Variants in GPATCH2 observed in about 807,000 individuals in gnomAD.
GPATCH2 encodes the protein G patch domain-containing protein 2.
GPATCH2 carries 51 observed loss-of-function variants against 58.0 expected under a neutral mutation model. The ratio of observed to expected loss-of-function variants is 0.88; its 90% CI spans 0.70 to 1.11. The LOEUF is 1.11. Ranked by LOEUF, GPATCH2 falls within the 50% of genes most tolerant of loss-of-function variation. The pLI is 0.00. For synonymous variants in GPATCH2, 222 were observed against 218.5 expected (o/e 1.02, Z -0.14); for missense variants, 625 against 652.2 (o/e 0.96, Z 0.45).
At chr1:217,508,535 A>C (rs1177251062) in intron 6 of GPATCH2, among the ~76,000 whole-genome samples, 2 of 152,172 alleles carry the variant, frequency 1.3e-5, no homozygotes, top group Non-Finnish European at 2.9e-5. Flanking sequence ...ATTTAAAAGC[A>C]AGTATCTCAT....
intron 2 of GPATCH2, among the ~76,000 whole-genome samples, chr1:217,619,051 T>C (rs1669048485): frequency 6.6e-6 from 1 of 152,146 alleles, no homozygotes; most frequent in Non-Finnish European, 1.5e-5. Context: ...TTCTGGCTCA[T>C]AGTTCAGCAT....
intron 5 of GPATCH2, among the ~76,000 whole-genome samples, chr1:217,574,663 T>C (rs988674616): frequency 2.0e-5 from 3 of 152,210 alleles, no homozygotes; most frequent in African/African-American, 7.2e-5. Flanking sequence ...TTATATTCAT[T>C]AAACCTCTCT....
chr1:217,547,971 A>G (rs1050196347), intron 5 of GPATCH2, among the ~76,000 whole-genome samples: 5 of 152,118 alleles, frequency 3.3e-5, no homozygotes, highest in Non-Finnish European at 5.9e-5. Context: ...CTGCTCCTCC[A>G]TGGTAAAACG....
At chr1:217,518,942 A>T (rs953104488) in intron 5 of GPATCH2, among the ~76,000 whole-genome samples, 1 of 152,196 alleles carries the variant, frequency 6.6e-6, no homozygotes, top group African/African-American at 2.4e-5. Flanking sequence ...GGCTGTCGGG[A>T]GGCACTGCCT....
At chr1:217,458,229 CA>C (rs1240378184) in intron 8 of GPATCH2, among the ~76,000 whole-genome samples, 4 of 151,758 alleles carry the variant, frequency 2.6e-5, no homozygotes, top group African/African-American at 9.7e-5. Flanking sequence ...AACTCCGTCT[CA>C]AAAAAAAGAT....
At chr1:217,582,594 G>A (rs1667125090) in intron 5 of GPATCH2, among the ~76,000 whole-genome samples, 1 of 152,098 alleles carries the variant, frequency 6.6e-6, no homozygotes, top group Non-Finnish European at 1.5e-5. Context: ...AAAGAATCCA[G>A]TATTAAAGTT....
chr1:217,553,269 A>G (rs1021546120), intron 5 of GPATCH2, among the ~76,000 whole-genome samples: 1 of 152,182 alleles, frequency 6.6e-6, no homozygotes, highest in Non-Finnish European at 1.5e-5. Context: ...GCAATATTTC[A>G]TTTTAAGAAC....
intron 8 of GPATCH2, among the ~76,000 whole-genome samples, chr1:217,488,368 C>T (rs1033414437): frequency 6.6e-6 from 1 of 152,092 alleles, no homozygotes; most frequent in Non-Finnish European, 1.5e-5. Flanking sequence ...TAAGTTTCTC[C>T]ATGTTCTCCT....
intron 5 of GPATCH2, among the ~76,000 whole-genome samples, chr1:217,569,420 C>T (rs1666426283): frequency 6.6e-6 from 1 of 152,046 alleles, no homozygotes; most frequent in African/African-American, 2.4e-5. Flanking sequence ...CCCAGCCAGG[C>T]ACAATGGCTC....
At chr1:217,483,712 T>C (rs1418189222) in intron 8 of GPATCH2, among the ~76,000 whole-genome samples, 5 of 152,266 alleles carry the variant, frequency 3.3e-5, no homozygotes, top group Admixed American at 3.3e-4. Flanking sequence ...GGTTTTACTT[T>C]CCATTTTCCT....
At chr1:217,435,818 G>C (rs1011623404) in intron 9 of GPATCH2, among the ~76,000 whole-genome samples, 1 of 152,162 alleles carries the variant, frequency 6.6e-6, no homozygotes, top group African/African-American at 2.4e-5. Flanking sequence ...AGAGAAAGTG[G>C]TAGGTGTTAC....
intron 5 of GPATCH2, among the ~76,000 whole-genome samples, chr1:217,547,378 G>A (rs1010609185): frequency 2.6e-5 from 4 of 151,680 alleles, no homozygotes; most frequent in Admixed American, 6.6e-5. Context: ...AATAACAGAC[G>A]CCGGCAAGGT....
chr1:217,598,754 T>A (rs1483560097), intron 5 of GPATCH2, among the ~76,000 whole-genome samples: 1 of 152,178 alleles, frequency 6.6e-6, no homozygotes, highest in Non-Finnish European at 1.5e-5. Flanking sequence ...CGTGAGCCAC[T>A]GCTTCCAGCC....
chr1:217,609,453 A>C, intron 5 of GPATCH2: 1 of 983,622 alleles, frequency 1.0e-6, no homozygotes, highest in Non-Finnish European at 1.2e-6. Context: ...AAATGATTCT[A>C]CTAGTGCAGA....
intron 5 of GPATCH2, among the ~76,000 whole-genome samples, chr1:217,542,426 A>G (rs1664793377): frequency 6.6e-6 from 1 of 152,214 alleles, no homozygotes; most frequent in East Asian, 1.9e-4. Flanking sequence ...ATCAAGAATC[A>G]ATTCTAGAAC....
At chr1:217,483,867 T>C (rs1356710467) in intron 8 of GPATCH2, among the ~76,000 whole-genome samples, 1 of 152,214 alleles carries the variant, frequency 6.6e-6, no homozygotes, top group Non-Finnish European at 1.5e-5. Context: ...TACATATTCT[T>C]GATATAAATA....
chr1:217,594,448 T>C (rs980254345), intron 5 of GPATCH2, among the ~76,000 whole-genome samples: 1 of 152,146 alleles, frequency 6.6e-6, no homozygotes, highest in Non-Finnish European at 1.5e-5. Flanking sequence ...TAATTTTGGT[T>C]ATTAATGATT....
intron 5 of GPATCH2, among the ~76,000 whole-genome samples, chr1:217,584,344 A>AAAAAAAAAAAAAATATATATATAT (rs1463910405): frequency 2.2e-3 from 223 of 101,302 alleles, no homozygotes; most frequent in Non-Finnish European, 3.4e-3. Context: ...AAAAAAAAAA[A>AAAAAAAAAAAAAATATATATATAT]ATATATATAT....
intron 5 of GPATCH2, among the ~76,000 whole-genome samples, chr1:217,529,752 G>T (rs1361633986): frequency 6.6e-6 from 1 of 152,130 alleles, no homozygotes; most frequent in Non-Finnish European, 1.5e-5. Flanking sequence ...GGCACTAACA[G>T]TCAGAAGCTC....
Sources: allele counts gnomAD v4.1 joint callset (sites outside exome capture counted in the v4.1 genomes callset), GRCh38; gene constraint gnomAD v4.1.1; transcripts MANE v1.5; gene names NCBI Gene and HGNC (gene_info 2026-07-23, HGNC 2026-07-21).